Variants in GOLGA8A observed in about 807,000 individuals in gnomAD.
GOLGA8A encodes the protein golgin A8 family member A.
A neutral mutation model predicts 22.1 loss-of-function variants in GOLGA8A; 3 were observed. That is an observed-to-expected ratio of 0.14 (90% CI 0.06 to 0.35). The LOEUF is 0.35. Among genes scored for constraint, GOLGA8A ranks in the 10% least tolerant of loss-of-function variants. The pLI is 1.00. For synonymous variants in GOLGA8A, 7 were observed against 91.7 expected, an observed-to-expected ratio of 0.08 and a Z score of 5.28; for missense variants, 16 against 233.2, an observed-to-expected ratio of 0.07 and a Z score of 6.07.
chr15:34,433,260 G>A lies in GOLGA8A; in HGVS notation c.-1123+2123C>T, dbSNP rs372434574. Among the ~76,000 whole-genome samples the A allele has an allele frequency of 6.7e-5, 10 of 149,210 alleles. 1 individual carries two copies. The East Asian group carries it at 7.9e-4, about 12-fold the overall frequency. On this transcript the variant is annotated intron_variant, in intron 2 of 24. Transcript: ENST00000359187. ...GGGACAGAGTCTGACATTAGGTACA[G>A]GACAAGTTTGGAAAGATCCAGATGG...
At chr15:34,430,672 C>A (rs1420363368) in intron 2 of GOLGA8A, among the ~76,000 whole-genome samples, 1 of 149,666 alleles carries the variant, frequency 6.7e-6, no homozygotes, top group African/African-American at 2.5e-5. Context: ...AACACTCACA[C>A]ATCCTAACCC....
At chr15:34,431,773 A>T (rs1424590713) in intron 2 of GOLGA8A, among the ~76,000 whole-genome samples, 10 of 148,604 alleles carry the variant, frequency 6.7e-5, no homozygotes, top group Middle Eastern at 3.2e-3. Context: ...ATTTTAAAAA[A>T]ATATATTTTT....
At chr15:34,434,894 G>A (rs1402768431) in intron 2 of GOLGA8A, among the ~76,000 whole-genome samples, 2 of 149,576 alleles carry the variant, frequency 1.3e-5, no homozygotes, top group African/African-American at 2.5e-5. Flanking sequence ...GGTACAGCCA[G>A]GGCCGCTGCC....
At chr15:34,434,273 C>T (rs1451732984) in intron 2 of GOLGA8A, among the ~76,000 whole-genome samples, 2 of 149,486 alleles carry the variant, frequency 1.3e-5, no homozygotes, top group Non-Finnish European at 1.5e-5. Context: ...AAGGCCTGGG[C>T]AATGGTGACA....
chr15:34,425,444 C>A (rs151169835), intron 2 of GOLGA8A, among the ~76,000 whole-genome samples: 1 of 142,712 alleles, frequency 7.0e-6, no homozygotes, highest in African/African-American at 2.6e-5. Context: ...CATTTTAGAT[C>A]AAAGAAGAGA....
At chr15:34,431,985 A>ATT (rs1468446710) in intron 2 of GOLGA8A, among the ~76,000 whole-genome samples, 1 of 148,878 alleles carries the variant, frequency 6.7e-6, no homozygotes, top group Non-Finnish European at 1.5e-5. Context: ...AAATGTCAAT[A>ATT]GTGTTCTCCG....
chr15:34,417,335 T>C (rs1392961920), intron 2 of GOLGA8A: 1 of 79,956 alleles, frequency 1.3e-5, no homozygotes, highest in African/African-American at 3.8e-5. Flanking sequence ...ACCCCATCCC[T>C]TTTTTTTTGT....
intron 2 of GOLGA8A, among the ~76,000 whole-genome samples, chr15:34,432,462 A>C (rs1241778537): frequency 6.7e-6 from 1 of 149,036 alleles, no homozygotes; most frequent in Non-Finnish European, 1.5e-5. Flanking sequence ...CTCTTAGGCA[A>C]CCCACAGCTC....
Sources: allele counts gnomAD v4.1 joint callset (sites outside exome capture counted in the v4.1 genomes callset), GRCh38; gene constraint gnomAD v4.1.1; transcripts MANE v1.5; gene names NCBI Gene and HGNC (gene_info 2026-07-23, HGNC 2026-07-21).